Variants in SLC35F3 observed in about 807,000 individuals in gnomAD.
The protein encoded by SLC35F3 is putative thiamine transporter SLC35F3.
SLC35F3 carries 25 observed loss-of-function variants against 49.9 expected under a neutral mutation model. The observed-to-expected ratio is 0.50, with a 90% CI of 0.37 to 0.70. SLC35F3 has a LOEUF of 0.70. Among genes scored for constraint, SLC35F3 ranks in the 30% least tolerant of loss-of-function variants. The pLI is 0.00. For synonymous variants in SLC35F3, 275 were observed against 265.4 expected (o/e 1.04, Z -0.35); for missense variants, 525 against 639.8 (o/e 0.82, Z 1.94).
At chr1:234,174,970 G>T (rs1317934596) in intron 2 of SLC35F3, among the ~76,000 whole-genome samples, 1 of 152,234 alleles carries the variant, frequency 6.6e-6, no homozygotes, top group East Asian at 1.9e-4. Flanking sequence ...GACAGGAAGG[G>T]AGGTGGAAGG....
rs184075770 is a variant in SLC35F3, at chr1:234,320,208, A to T, written c.1237+21A>T. On this transcript the variant is annotated intron_variant, in intron 7 of 7. Transcript: ENST00000366618. This position sits in a 1 kb window ranked among gnomAD's most constrained non-coding sequence, Gnocchi z 4.8. ...TGCAGGTAAACCTATGCGGCTTTCT[A>T]TATCTGCACATAAGCACACACACTC... The T allele has an allele frequency of 9.7e-6, 15 of 1,552,264 alleles. No individual in the cohort carries two copies. The East Asian group carries it at 3.1e-4, about 32-fold the overall frequency.
chr1:234,001,496 C>T (rs1307021981), intron 2 of SLC35F3, among the ~76,000 whole-genome samples: 1 of 152,118 alleles, frequency 6.6e-6, no homozygotes, highest in Admixed American at 6.6e-5. Context: ...TTATATTGTG[C>T]TTTATAAGGC....
Position 234,297,668 on chromosome 1 carries a change from C to T in SLC35F3, c.609-11433C>T, listed in dbSNP as rs1322796509. On this transcript the variant is annotated intron_variant, in intron 3 of 7. Coordinates refer to ENST00000366618, the MANE Select transcript of SLC35F3 (RefSeq NM_173508.4). ...CCAAGGTGGGAAGATTACTTGAGCC[C>T]TGGAGATTGAGGCTGCAGTGAGCCA... Among the ~76,000 whole-genome samples, 5 of 151,198 alleles carry T rather than the reference C, an allele frequency of 3.3e-5. No homozygotes were observed. The East Asian group carries it at 9.7e-4, about 29-fold the overall frequency.
intron 3 of SLC35F3, among the ~76,000 whole-genome samples, chr1:234,292,187 G>C (rs542105435): frequency 6.6e-6 from 1 of 152,336 alleles, no homozygotes; most frequent in East Asian, 1.9e-4. Flanking sequence ...CCAGCACATT[G>C]AGAATCATGC....
chr1:234,009,149 A>T (rs143674633), intron 2 of SLC35F3, among the ~76,000 whole-genome samples: 22 of 152,362 alleles, frequency 1.4e-4, no homozygotes, highest in Admixed American at 3.9e-4. Context: ...GAAAAAAAGC[A>T]GACCAGAGCT....
chr1:234,301,628 C>T (rs1380221116), intron 3 of SLC35F3, among the ~76,000 whole-genome samples: 2 of 152,284 alleles, frequency 1.3e-5, no homozygotes, highest in East Asian at 3.9e-4. Context: ...GAATACAGTG[C>T]AGTAATTCCT....
intron 2 of SLC35F3, among the ~76,000 whole-genome samples, chr1:234,181,338 G>GAAAAAAAAAAAAAAAAAAAAGAAAAAAAA (rs34757532): frequency 2.1e-5 from 2 of 97,310 alleles, no homozygotes; most frequent in African/African-American, 3.9e-5. Flanking sequence ...TCTGTCTCAA[G>GAAAAAAAAAAAAAAAAAAAAGAAAAAAAA]AAAAAAAAAA....
At chr1:234,322,650 C>CGTGTGTGTGT (rs55827503) in intron 7 of SLC35F3, among the ~76,000 whole-genome samples, 1,738 of 144,928 alleles carry the variant, frequency 0.012, 20 homozygotes, top group African/African-American at 0.019. Flanking sequence ...GGGTCAAATG[C>CGTGTGTGTGT]GTGTGTGTGT....
At chr1:234,279,294 A>G (rs1328952386) in intron 3 of SLC35F3, among the ~76,000 whole-genome samples, 1 of 152,180 alleles carries the variant, frequency 6.6e-6, no homozygotes, top group Non-Finnish European at 1.5e-5. Flanking sequence ...GTGACTGAAT[A>G]GAATAGGAGG....
chr1:234,076,998 GTT>G (rs56254338), intron 2 of SLC35F3, among the ~76,000 whole-genome samples: 331 of 91,272 alleles, frequency 3.6e-3, no homozygotes, highest in South Asian at 0.02. Context: ...TTTTTTTTTT[GTT>G]TTTTTTTTTT....
intron 3 of SLC35F3, among the ~76,000 whole-genome samples, chr1:234,251,480 AACAC>A (rs1215416650): frequency 4.0e-5 from 6 of 148,736 alleles, no homozygotes; most frequent in African/African-American, 1.5e-4. Context: ...AAAAAAAAAA[AACAC>A]ACACACACAC....
At chr1:233,992,635 C>T (rs770254068) in intron 2 of SLC35F3, among the ~76,000 whole-genome samples, 1 of 152,158 alleles carries the variant, frequency 6.6e-6, no homozygotes, top group Non-Finnish European at 1.5e-5. Flanking sequence ...TTTCACTAAG[C>T]CCAGTTCTCA....
intron 2 of SLC35F3, among the ~76,000 whole-genome samples, chr1:233,917,824 T>A (rs1661996442): frequency 6.6e-6 from 1 of 152,232 alleles, no homozygotes; most frequent in Non-Finnish European, 1.5e-5. Context: ...AATGGAGTGA[T>A]GTTTCTAAGG....
rs140768776 is a variant in SLC35F3, at chr1:234,122,606, C to T, written c.284-108811C>T. Among the ~76,000 whole-genome samples, 617 of 152,240 alleles carry T rather than the reference C, an allele frequency of 4.1e-3. 7 individuals are homozygous for T. Among genetic ancestry groups the T allele is most frequent in the African/African-American group, 0.014 (580 of 41,552 alleles). Reference sequence around the variant, plus strand: ...TATGCATTAGGCATTTGTCCTAATGCTCTCCCTCCCCTTGTCCCCCATGGC... The same window carrying T: ...TATGCATTAGGCATTTGTCCTAATGTTCTCCCTCCCCTTGTCCCCCATGGC... On this transcript the variant is annotated intron_variant, in intron 2 of 7. Coordinates refer to ENST00000366618, the MANE Select transcript of SLC35F3 (RefSeq NM_173508.4).
intron 3 of SLC35F3, among the ~76,000 whole-genome samples, chr1:234,291,968 G>A (rs769158657): frequency 7.9e-5 from 12 of 152,186 alleles, no homozygotes; most frequent in Non-Finnish European, 1.6e-4. Context: ...GAGTGGCAGC[G>A]GCAGATCCCT....
At chr1:234,120,001 T>C (rs931503888) in intron 2 of SLC35F3, among the ~76,000 whole-genome samples, 14 of 152,182 alleles carry the variant, frequency 9.2e-5, no homozygotes, top group African/African-American at 3.4e-4. Flanking sequence ...TCATGGCACC[T>C]TCCACTGTGC....
intron 2 of SLC35F3, among the ~76,000 whole-genome samples, chr1:234,096,437 T>A (rs1665124744): frequency 6.6e-6 from 1 of 152,182 alleles, no homozygotes; most frequent in Non-Finnish European, 1.5e-5. Context: ...TTCATCAATA[T>A]TTATTTCATT....
chr1:234,168,962 C>A (rs1486115386), intron 2 of SLC35F3, among the ~76,000 whole-genome samples: 1 of 152,170 alleles, frequency 6.6e-6, no homozygotes, highest in African/African-American at 2.4e-5. Context: ...AGCCAAGGAT[C>A]TGTTGTTTGG....
At chr1:234,044,203 T>C (rs1331393409) in intron 2 of SLC35F3, among the ~76,000 whole-genome samples, 1 of 152,210 alleles carries the variant, frequency 6.6e-6, no homozygotes, top group Non-Finnish European at 1.5e-5. Context: ...CCTTTGACCT[T>C]CTTCCATGCC....
Sources: allele counts gnomAD v4.1 joint callset (sites outside exome capture counted in the v4.1 genomes callset), GRCh38; gene constraint gnomAD v4.1.1; non-coding constraint Gnocchi (gnomAD v3.1); transcripts MANE v1.5; gene names NCBI Gene and HGNC (gene_info 2026-07-23, HGNC 2026-07-21).